The following WDR47 variants were observed in gnomAD, a reference collection of about 807,000 sequenced individuals.
The protein encoded by WDR47 is WD repeat domain 47.
Under a neutral mutation model 97.2 loss-of-function variants are expected in WDR47, and 32 were observed. The ratio of observed to expected loss-of-function variants is 0.33; its 90% CI spans 0.25 to 0.44. The LOEUF is 0.44. Among genes scored for constraint, WDR47 ranks in the 20% least tolerant of loss-of-function variants. WDR47 has a pLI of 1.00. For synonymous variants in WDR47, 375 were observed against 373.5 expected, an observed-to-expected ratio of 1.00 and a Z score of -0.05; for missense variants, 782 against 1,102.3, an observed-to-expected ratio of 0.71 and a Z score of 4.11.
intron 1 of WDR47, among the ~76,000 whole-genome samples, chr1:109,039,073 A>G (rs1663160295): frequency 6.6e-6 from 1 of 152,150 alleles, no homozygotes; most frequent in Non-Finnish European, 1.5e-5. Flanking sequence ...AGAAACTCCT[A>G]CTTGTGATAA....
chr1:109,018,458 T>C (rs1661585700), intron 2 of WDR47, among the ~76,000 whole-genome samples: 1 of 147,650 alleles, frequency 6.8e-6, no homozygotes, highest in South Asian at 2.1e-4. Context: ...AAAAATGGAC[T>C]AAGCTTTAAA....
intron 1 of WDR47, among the ~76,000 whole-genome samples, chr1:109,038,988 CAATAATAATAAATA>C (rs1287780858): frequency 6.6e-6 from 1 of 150,792 alleles, no homozygotes; most frequent in Non-Finnish European, 1.5e-5. Flanking sequence ...CAAATAATAA[CAATAATAATAAATA>C]AATAAATAAA....
In WDR47 at chr1:109,031,795, C is replaced by CTTT. The variant is rs56318868; in HGVS notation, c.-9-8277_-9-8275dup. Among the ~76,000 whole-genome samples, 93 of 78,014 alleles carry CTTT rather than the reference C, an allele frequency of 1.2e-3. 1 individual carries two copies. The highest frequency in any genetic ancestry group is 3.7e-3 in the East Asian group (9 of 2,438). 51.2% of individuals were successfully genotyped at this position (78,014 alleles called of 152,430 possible). A position where few individuals can be genotyped will look rare whatever the true frequency, so the allele number is the denominator to read the frequency against. On this transcript the variant is annotated intron_variant, in intron 1 of 14. Coordinates refer to ENST00000369962, the MANE Select transcript of WDR47 (RefSeq NM_001142551.2). Reference sequence around the variant, plus strand: ...TTGAATATCATTTCAATCTTTCTTTCTTTTTTTTTTTTTTTTTTTTTTAAG... The same window carrying CTTT: ...TTGAATATCATTTCAATCTTTCTTTCTTTTTTTTTTTTTTTTTTTTTTTTTAAG...
At chr1:109,002,866 T>C (rs1361100105) in intron 6 of WDR47, among the ~76,000 whole-genome samples, 2 of 152,184 alleles carry the variant, frequency 1.3e-5, no homozygotes, top group Non-Finnish European at 2.9e-5. Flanking sequence ...AAAAAGGGAA[T>C]GTTTACACAC....
At chr1:108,997,709 G>A (rs839880) in intron 7 of WDR47, among the ~76,000 whole-genome samples, 29,123 of 135,608 alleles carry the variant, frequency 0.21, 3,043 homozygotes, top group African/African-American at 0.28. Flanking sequence ...GCAGTGAGCC[G>A]AGATAGTGCC....
chr1:109,008,954 G>A (rs571169791), intron 5 of WDR47, among the ~76,000 whole-genome samples: 9 of 151,808 alleles, frequency 5.9e-5, no homozygotes, highest in South Asian at 2.1e-4. Context: ...GCGCAGTGGC[G>A]CACGCCTGTA....
chr1:108,972,644 A>T (rs904133114), intron 14 of WDR47, among the ~76,000 whole-genome samples: 1 of 151,936 alleles, frequency 6.6e-6, no homozygotes, highest in East Asian at 1.9e-4. Context: ...TAAAGCCCTT[A>T]AAAAAAATGT....
At chr1:109,012,309 A>G (rs189241) in intron 4 of WDR47, among the ~76,000 whole-genome samples, 87,726 of 151,804 alleles carry the variant, frequency 0.58, 25,700 homozygotes, top group African/African-American at 0.63. Context: ...AGCCGAGCAC[A>G]GTGGCTCACA....
intron 4 of WDR47, 67 bp from the exon 5 acceptor site, chr1:109,011,785 A>C: frequency 2.2e-6 from 3 of 1,384,036 alleles, no homozygotes; most frequent in Non-Finnish European, 2.9e-6. Context: ...TGAAAACGAC[A>C]AGAGTACAAA....
At chr1:108,973,314 C>G (rs1169789517) in intron 14 of WDR47, among the ~76,000 whole-genome samples, 1 of 152,084 alleles carries the variant, frequency 6.6e-6, no homozygotes, top group Non-Finnish European at 1.5e-5. Flanking sequence ...CCTATTCACC[C>G]TAGTCACTAT....
intron 13 of WDR47, among the ~76,000 whole-genome samples, chr1:108,978,480 T>A (rs1354819942): frequency 7.0e-6 from 1 of 142,098 alleles, no homozygotes; most frequent in African/African-American, 2.7e-5. Flanking sequence ...AGAGCGAGAC[T>A]CCGTCTCAAA....
Position 108,970,717 on chromosome 1 carries a change from A to G in WDR47, c.*713T>C, listed in dbSNP as rs1232898830. On this transcript the variant is annotated 3_prime_UTR_variant, in exon 15 of 15. Coordinates refer to ENST00000369962, the MANE Select transcript of WDR47 (RefSeq NM_001142551.2). Reference sequence around the variant, plus strand: ...GGAAGGGAGGTATCCTGTTGCATTCAAAAAACTGAAGTTAACAAGTTTCTG... The same window carrying G: ...GGAAGGGAGGTATCCTGTTGCATTCGAAAAACTGAAGTTAACAAGTTTCTG... 1.3e-5 allele frequency: 2 copies of G among 152,658 alleles called. No homozygotes were observed. Among genetic ancestry groups the G allele is most frequent in the African/African-American group, 4.8e-5 (2 of 41,452 alleles). The allele number at this position is 152,658 out of a possible 1,614,324, so 9.5% of individuals were successfully genotyped here. A position where few individuals can be genotyped will look rare whatever the true frequency, so the allele number is the denominator to read the frequency against.
At chr1:109,015,459 G>A (rs144936169) in intron 3 of WDR47, among the ~76,000 whole-genome samples, 5,409 of 151,928 alleles carry the variant, frequency 0.036, 119 homozygotes, top group Admixed American at 0.056. Context: ...AAGTAGCTGG[G>A]ATTACAGGCA....
chr1:109,024,448 G>A (rs1256425616), intron 1 of WDR47, among the ~76,000 whole-genome samples: 4 of 151,030 alleles, frequency 2.6e-5, no homozygotes, highest in East Asian at 1.9e-4. Flanking sequence ...ATTAGACTCC[G>A]TCTCAAAAAA....
At chr1:108,999,344 C>A (rs919156778) in intron 7 of WDR47, among the ~76,000 whole-genome samples, 4 of 151,818 alleles carry the variant, frequency 2.6e-5, no homozygotes, top group Non-Finnish European at 5.9e-5. Flanking sequence ...GGCATGGAAG[C>A]TCCATGTCAA....
chr1:109,006,924 T>C (rs1051396097), intron 5 of WDR47, among the ~76,000 whole-genome samples: 2 of 152,140 alleles, frequency 1.3e-5, no homozygotes, highest in Admixed American at 1.3e-4. Context: ...TGTTAGCACA[T>C]AGTAATCACT....
At chr1:109,010,141 T>C (rs1173239942) in intron 5 of WDR47, among the ~76,000 whole-genome samples, 1 of 152,216 alleles carries the variant, frequency 6.6e-6, no homozygotes, top group African/African-American at 2.4e-5. Flanking sequence ...GTATTATATC[T>C]ATAACCAGCA....
intron 9 of WDR47, among the ~76,000 whole-genome samples, chr1:108,987,457 G>GTTTGT (rs892937982): frequency 1.3e-4 from 20 of 151,794 alleles, no homozygotes; most frequent in East Asian, 3.9e-4. Flanking sequence ...CCAGCCAATT[G>GTTTGT]TTTGTTTTGT....
At chr1:108,998,700 A>G (rs1461867361) in intron 7 of WDR47, among the ~76,000 whole-genome samples, 5 of 152,174 alleles carry the variant, frequency 3.3e-5, no homozygotes, top group South Asian at 2.1e-4. Context: ...ATTTTTTTCA[A>G]TAAGATCTAA....
Sources: allele counts gnomAD v4.1 joint callset (sites outside exome capture counted in the v4.1 genomes callset), GRCh38; gene constraint gnomAD v4.1.1; transcripts MANE v1.5; gene names NCBI Gene and HGNC (gene_info 2026-07-23, HGNC 2026-07-21).